Variants in SGCZ observed in about 807,000 individuals in gnomAD.
SGCZ encodes the protein sarcoglycan zeta.
SGCZ carries 40 observed loss-of-function variants against 41.3 expected under a neutral mutation model. The observed-to-expected ratio is 0.97, with a 90% CI of 0.75 to 1.26. The LOEUF is 1.26. Among genes scored for constraint, SGCZ ranks in the 50% most tolerant of loss-of-function variants. The pLI is 0.00. For synonymous variants in SGCZ, 206 were observed against 137.5 expected (o/e 1.50, Z -3.49); for missense variants, 552 against 369.8 (o/e 1.49, Z -4.04).
chr8:15,082,656 G>A (rs1212014803), intron 1 of SGCZ, among the ~76,000 whole-genome samples: 1 of 152,118 alleles, frequency 6.6e-6, no homozygotes, highest in Non-Finnish European at 1.5e-5. Flanking sequence ...AAGCAGGAAT[G>A]ACATTTCAAT....
intron 1 of SGCZ, among the ~76,000 whole-genome samples, chr8:15,123,204 G>C (rs1563138125): frequency 6.6e-6 from 1 of 152,096 alleles, no homozygotes; most frequent in African/African-American, 2.4e-5. Context: ...AGCATCCTAA[G>C]TTTTTTCCAG....
chr8:15,218,539 T>A (rs547394209), intron 1 of SGCZ, among the ~76,000 whole-genome samples: 15 of 152,164 alleles, frequency 9.9e-5, no homozygotes, highest in Middle Eastern at 3.2e-3. Context: ...CTAACATACA[T>A]CCATGCAAAG....
intron 1 of SGCZ, among the ~76,000 whole-genome samples, chr8:14,575,913 CAAAAAAA>C (rs66656586): frequency 2.9e-4 from 29 of 100,014 alleles, no homozygotes; most frequent in African/African-American, 6.2e-4. Flanking sequence ...CTCAAAATAA[CAAAAAAA>C]AAAAAAAAAA....
intron 3 of SGCZ, among the ~76,000 whole-genome samples, chr8:14,297,300 T>G (rs1243609727): frequency 6.6e-6 from 1 of 152,052 alleles, no homozygotes; most frequent in African/African-American, 2.4e-5. Flanking sequence ...ATACAGATCT[T>G]AAAATTGTAT....
At chr8:14,788,511 G>T (rs1205499838) in intron 1 of SGCZ, among the ~76,000 whole-genome samples, 1 of 152,148 alleles carries the variant, frequency 6.6e-6, no homozygotes, top group Non-Finnish European at 1.5e-5. Flanking sequence ...TTCTTCTGGG[G>T]ACAGTAGCTT....
At chr8:14,237,923 C>G (rs1806827097) in intron 3 of SGCZ, among the ~76,000 whole-genome samples, 1 of 152,160 alleles carries the variant, frequency 6.6e-6, no homozygotes, top group Non-Finnish European at 1.5e-5. Context: ...CATTTCCAAC[C>G]CTACTGATTG....
intron 2 of SGCZ, among the ~76,000 whole-genome samples, chr8:14,437,139 G>A (rs1404405012): frequency 2.6e-5 from 4 of 151,986 alleles, no homozygotes; most frequent in Non-Finnish European, 4.4e-5. Context: ...TGCATGACTC[G>A]GAACACTGAT....
In SGCZ at chr8:14,677,783, C is replaced by T. The variant is rs866704808; in HGVS notation, c.40-122857G>A. Among the ~76,000 whole-genome samples, 30 of 151,870 alleles carry T rather than the reference C, an allele frequency of 2.0e-4. No homozygotes were observed. The South Asian group carries it at 5.6e-3, about 28-fold the overall frequency. On this transcript the variant is annotated intron_variant, in intron 1 of 7. Transcript: ENST00000382080. ...GAGACTCCGTCTAAATAAATAAATA[C>T]ATAAATAAATAAATAAATAAGTAAA...
At chr8:14,592,215 G>T (rs555708649) in intron 1 of SGCZ, among the ~76,000 whole-genome samples, 46 of 152,154 alleles carry the variant, frequency 3.0e-4, no homozygotes, top group African/African-American at 1.0e-3. Flanking sequence ...TAGATTCCTA[G>T]TTTTAAAATG....
At position 14,247,685 on chromosome 8, in the gene SGCZ, T is replaced by C. The variant is rs996544256; in HGVS notation, c.337-10006A>G. 2.0e-5 allele frequency among the ~76,000 whole-genome samples: 3 copies of C among 152,328 alleles called. No homozygotes were observed. The South Asian group carries it at 6.2e-4, about 32-fold the overall frequency. On this transcript the variant is annotated intron_variant, in intron 3 of 7. Coordinates refer to ENST00000382080, the MANE Select transcript of SGCZ (RefSeq NM_139167.4). ...TATCCTCCTCTTAGCACTTCTATGT[T>C]GGGTTGCCACTTTTCCACTCCAGCT...
chr8:14,946,509 TC>T (rs991014490), intron 1 of SGCZ, among the ~76,000 whole-genome samples: 3 of 151,976 alleles, frequency 2.0e-5, no homozygotes, highest in African/African-American at 7.2e-5. Flanking sequence ...GAGTTCTCCC[TC>T]TAAGTTATGA....
intron 1 of SGCZ, among the ~76,000 whole-genome samples, chr8:14,857,772 A>T (rs1293901117): frequency 6.6e-6 from 1 of 152,162 alleles, no homozygotes; most frequent in African/African-American, 2.4e-5. Flanking sequence ...AGGCTCAGGC[A>T]GGACAATTGC....
chr8:14,717,826 C>A (rs1809741623), intron 1 of SGCZ, among the ~76,000 whole-genome samples: 1 of 151,974 alleles, frequency 6.6e-6, no homozygotes, highest in South Asian at 2.1e-4. Context: ...ATTTAAAAAT[C>A]ACCTAAATCC....
At chr8:14,213,066 G>A (rs1476864668) in intron 4 of SGCZ, among the ~76,000 whole-genome samples, 1 of 151,898 alleles carries the variant, frequency 6.6e-6, no homozygotes, top group African/African-American at 2.4e-5. Context: ...AGGGACTGTG[G>A]GACAACAGCA....
intron 2 of SGCZ, among the ~76,000 whole-genome samples, chr8:14,358,816 G>A (rs889714055): frequency 2.6e-5 from 4 of 151,900 alleles, no homozygotes; most frequent in African/African-American, 9.7e-5. Context: ...TCACCATCTT[G>A]GCCAGGCTGG....
chr8:14,231,577 T>A (rs989231633), intron 4 of SGCZ, among the ~76,000 whole-genome samples: 3 of 152,012 alleles, frequency 2.0e-5, no homozygotes, highest in Non-Finnish European at 2.9e-5. Flanking sequence ...CTGAATTGAG[T>A]TGGACCAATA....
At chr8:14,745,470 C>G (rs1799315218) in intron 1 of SGCZ, among the ~76,000 whole-genome samples, 2 of 152,060 alleles carry the variant, frequency 1.3e-5, no homozygotes, top group Non-Finnish European at 2.9e-5. Context: ...TTAGTCCCAT[C>G]TACTCTGGAG....
chr8:14,582,079 T>C (rs75793564), intron 1 of SGCZ, among the ~76,000 whole-genome samples: 4,401 of 152,250 alleles, frequency 0.029, 204 homozygotes, highest in African/African-American at 0.1. Context: ...TTTATGATGA[T>C]CTACTTCTGC....
chr8:15,227,683 T>C (rs964685112), intron 1 of SGCZ, among the ~76,000 whole-genome samples: 1 of 152,236 alleles, frequency 6.6e-6, no homozygotes. Context: ...ACACTGTTCG[T>C]CAATAAGACA....
Sources: allele counts gnomAD v4.1 joint callset (sites outside exome capture counted in the v4.1 genomes callset), GRCh38; gene constraint gnomAD v4.1.1; transcripts MANE v1.5; gene names NCBI Gene and HGNC (gene_info 2026-07-23, HGNC 2026-07-21).